CLMN: variants seen among roughly 807,000 people sequenced by gnomAD.
CLMN encodes calmin.
A neutral mutation model predicts 92.7 loss-of-function variants in CLMN; 57 were observed. The observed-to-expected ratio is 0.61, with a 90% CI of 0.50 to 0.77. The LOEUF is 0.77. CLMN is among the 30% of genes least tolerant of loss of function. CLMN has a pLI of 0.00. For synonymous variants in CLMN, 466 were observed against 470.6 expected (o/e 0.99, Z 0.13); for missense variants, 1,158 against 1,237.5 (o/e 0.94, Z 0.96).
chr14:95,315,536 A>C (rs1901725568), intron 1 of CLMN, among the ~76,000 whole-genome samples: 1 of 152,226 alleles, frequency 6.6e-6, no homozygotes, highest in Non-Finnish European at 1.5e-5. Context: ...AGTGGAACAA[A>C]AGGAGAAAGT....
At chr14:95,223,894 C>A in intron 2 of CLMN, 39 bp from the exon 3 acceptor site, 1 of 1,382,028 alleles carries the variant, frequency 7.2e-7, no homozygotes, top group South Asian at 1.2e-5. Context: ...AATTAGCAAC[C>A]TGTGTGATCC....
At chr14:95,304,382 G>A (rs1329764607) in intron 1 of CLMN, among the ~76,000 whole-genome samples, 1 of 151,914 alleles carries the variant, frequency 6.6e-6, no homozygotes, top group Non-Finnish European at 1.5e-5. Context: ...CTCAGTGACA[G>A]CAAGGAAGGA....
At chr14:95,289,990 A>T (rs944547518) in intron 1 of CLMN, among the ~76,000 whole-genome samples, 1 of 152,254 alleles carries the variant, frequency 6.6e-6, no homozygotes, top group Admixed American at 6.5e-5. Flanking sequence ...GCTGAAGCCT[A>T]TAACATTTCA....
At chr14:95,202,722 G>T in intron 9 of CLMN, 116 bp downstream of exon 9, 1 of 1,174,994 alleles carries the variant, frequency 8.5e-7, no homozygotes, top group Non-Finnish European at 1.2e-6. Context: ...CACCATAGTA[G>T]TCCCAAGGGA....
At position 95,210,849 on chromosome 14, in the gene CLMN, G is replaced by A. The variant is rs1168886596; in HGVS notation, c.639C>T (p.Gly213=). 1 of 1,558,218 alleles carries A rather than the reference G, an allele frequency of 6.4e-7. No individual in the cohort carries two copies. Among genetic ancestry groups the A allele is most frequent in the Non-Finnish European group, 8.6e-7 (1 of 1,159,120 alleles). ...GGAAAGCCAGCCCACTCCTCCAACTGCCCGCAAAGTCCTGCACCGCCACGC... is the reference window on the plus strand; with the variant it reads ...GGAAAGCCAGCCCACTCCTCCAACTACCCGCAAAGTCCTGCACCGCCACGC... The part of the protein sequence containing the change: ...KYGVAVQDFA[G]SWRSGLAFLA... Residue 213 remains glycine, a synonymous_variant, in exon 7 of 13, where the codon GGC becomes GGT. Coordinates refer to ENST00000298912, the MANE Select transcript of CLMN (RefSeq NM_024734.4).
intron 1 of CLMN, among the ~76,000 whole-genome samples, chr14:95,314,261 T>C (rs1055575435): frequency 1.3e-5 from 2 of 152,196 alleles, no homozygotes; most frequent in African/African-American, 4.8e-5. Flanking sequence ...AAGCCAAGAA[T>C]GTACATCATT....
chr14:95,211,982 A>G (rs1472620225), intron 6 of CLMN, among the ~76,000 whole-genome samples: 2 of 151,232 alleles, frequency 1.3e-5, no homozygotes, highest in Non-Finnish European at 3.0e-5. Context: ...CATACATCAC[A>G]CCCCCCTTCT....
At chr14:95,307,318 C>T (rs150041677) in intron 1 of CLMN, among the ~76,000 whole-genome samples, 2 of 152,336 alleles carry the variant, frequency 1.3e-5, no homozygotes, top group African/African-American at 4.8e-5. Flanking sequence ...CAGGGGTGGC[C>T]AGGGCAGACT....
chr14:95,214,211 T>C (rs961250699), intron 5 of CLMN, among the ~76,000 whole-genome samples: 2 of 152,102 alleles, frequency 1.3e-5, no homozygotes, highest in African/African-American at 4.8e-5. Flanking sequence ...AATAAATAAA[T>C]GAAGCCCTAC....
intron 10 of CLMN, among the ~76,000 whole-genome samples, chr14:95,195,809 TGAGA>T (rs35838154): frequency 6.5e-5 from 9 of 138,582 alleles, no homozygotes; most frequent in Non-Finnish European, 1.5e-4. Flanking sequence ...ATTGTGACGA[TGAGA>T]GAGGGGAGAG....
At chr14:95,221,429 GC>G (rs1470617252) in intron 4 of CLMN, among the ~76,000 whole-genome samples, 1 of 152,222 alleles carries the variant, frequency 6.6e-6, no homozygotes, top group East Asian at 1.9e-4. Context: ...GAGCCAGTTA[GC>G]TGCTCTGCCT....
intron 1 of CLMN, among the ~76,000 whole-genome samples, chr14:95,267,620 C>T (rs190015966): frequency 1.1e-3 from 164 of 152,144 alleles, no homozygotes; most frequent in Non-Finnish European, 2.1e-3. Flanking sequence ...GAAGATTCGT[C>T]AAAAAACTAA....
intron 1 of CLMN, among the ~76,000 whole-genome samples, chr14:95,244,743 T>C (rs1264698110): frequency 1.3e-5 from 2 of 152,086 alleles, no homozygotes; most frequent in Admixed American, 1.3e-4. Flanking sequence ...CCCGTGCATC[T>C]ATGCAGGAGA....
intron 1 of CLMN, among the ~76,000 whole-genome samples, chr14:95,286,639 C>G (rs1566914189): frequency 1.3e-5 from 2 of 152,116 alleles, no homozygotes; most frequent in Admixed American, 6.5e-5. Flanking sequence ...ATTTTCGGCT[C>G]AGTTACAAAA....
At chr14:95,216,762 T>G (rs1005005885) in intron 4 of CLMN, among the ~76,000 whole-genome samples, 3 of 152,246 alleles carry the variant, frequency 2.0e-5, no homozygotes, top group Non-Finnish European at 2.9e-5. Flanking sequence ...AACTATGTTC[T>G]GACCACAGAA....
At chr14:95,300,766 C>G (rs1901016669) in intron 1 of CLMN, among the ~76,000 whole-genome samples, 1 of 152,240 alleles carries the variant, frequency 6.6e-6, no homozygotes, top group South Asian at 2.1e-4. Context: ...AGTCTGCCAT[C>G]ACAGCCATCA....
chr14:95,263,643 A>T (rs1899350096), intron 1 of CLMN, among the ~76,000 whole-genome samples: 1 of 152,166 alleles, frequency 6.6e-6, no homozygotes, highest in African/African-American at 2.4e-5. Flanking sequence ...AGGTAGCATA[A>T]CTGGATGTTC....
intron 1 of CLMN, among the ~76,000 whole-genome samples, chr14:95,303,414 C>T (rs1228023470): frequency 1.3e-5 from 2 of 152,218 alleles, no homozygotes; most frequent in Non-Finnish European, 2.9e-5. Context: ...CCCTGCCACG[C>T]CAAGCTCAGA....
chr14:95,195,456 G>A (rs1896682418), intron 10 of CLMN, among the ~76,000 whole-genome samples: 1 of 152,246 alleles, frequency 6.6e-6, no homozygotes, highest in Non-Finnish European at 1.5e-5. Context: ...AAGCAAGGCA[G>A]AGGGAGGTGG....
Sources: gnomAD v4.1 joint callset for allele counts (sites outside exome capture counted in the v4.1 genomes callset) on GRCh38, gnomAD v4.1.1 for gene constraint, MANE v1.5 for transcripts, NCBI Gene and HGNC (gene_info 2026-07-23, HGNC 2026-07-21) for gene names.